PUM1: variants seen among roughly 807,000 people sequenced by gnomAD.
The protein encoded by PUM1 is pumilio homolog 1.
A neutral mutation model predicts 131.8 loss-of-function variants in PUM1; 13 were observed. The ratio of observed to expected loss-of-function variants is 0.10; its 90% confidence interval spans 0.06 to 0.16. The LOEUF (loss-of-function observed/expected upper bound fraction) is 0.16, where lower values mean the gene tolerates loss of function less well. Among genes scored for constraint, PUM1 ranks in the 10% least tolerant of loss-of-function variants. The probability of loss-of-function intolerance (pLI) is 1.00; values close to 1 mark genes in which losing one functional copy is unlikely to be tolerated. For synonymous variants in PUM1, 509 were observed against 556.5 expected, an observed-to-expected ratio of 0.91 and a Z score of 1.20; for missense variants, 961 against 1,512.4, an observed-to-expected ratio of 0.64 and a Z score of 6.05.
chr1:30,980,048 G>A lies in PUM1; in HGVS notation c.1354+14C>T. 1 of 1,556,482 alleles carries A rather than the reference G, an allele frequency of 6.4e-7. No individual in the cohort carries two copies. The highest frequency in any genetic ancestry group is 1.2e-5 in the South Asian group (1 of 86,816). On this transcript the variant is annotated intron_variant, in intron 9 of 21. Transcript: ENST00000426105. ...AGCAGGTGAGAAAATCCCTCATGCA[G>A]CAGAATGTCTCACCTAGTGTCGCTG...
intron 3 of PUM1, among the ~76,000 whole-genome samples, chr1:31,020,059 C>A (rs1642965407): frequency 6.6e-6 from 1 of 152,084 alleles, no homozygotes; most frequent in South Asian, 2.1e-4. Context: ...CCCTTGCCTC[C>A]CTCCTTCCCT....
intron 5 of PUM1, among the ~76,000 whole-genome samples, chr1:30,999,048 T>G (rs999343483): frequency 6.6e-6 from 1 of 152,222 alleles, no homozygotes; most frequent in African/African-American, 2.4e-5. Flanking sequence ...TCACCCTGAC[T>G]AGAATGCAGT....
intron 19 of PUM1, 108 bp from the exon 20 acceptor site, chr1:30,941,380 G>A: frequency 1.2e-5 from 14 of 1,173,300 alleles, no homozygotes; most frequent in Non-Finnish European, 1.5e-5. Flanking sequence ...CCACCATAAC[G>A]GTTTATATGA....
At chr1:30,977,039 T>C (rs1641162578) in intron 9 of PUM1, among the ~76,000 whole-genome samples, 1 of 152,186 alleles carries the variant, frequency 6.6e-6, no homozygotes, top group South Asian at 2.1e-4. Context: ...TGTTACCGAT[T>C]TCAGATTGTA....
At chr1:31,053,716 TCCACCCTCC>T (rs1644167163) in intron 2 of PUM1, among the ~76,000 whole-genome samples, 1 of 148,348 alleles carries the variant, frequency 6.7e-6, no homozygotes, top group African/African-American at 2.5e-5. Context: ...GCTCAAACTA[TCCACCCTCC>T]TCAGCCTCCC....
rs369671754 is a variant in PUM1 at position 30,995,233 on chromosome 1, T to C, written c.721-13A>G. 11 of 1,613,628 alleles carry C rather than the reference T, an allele frequency of 6.8e-6. No homozygotes were observed. Among genetic ancestry groups the C allele is most frequent in the Admixed American group, 5.0e-5 (3 of 59,948 alleles). On this transcript the variant is annotated splice_polypyrimidine_tract_variant and intron_variant, in intron 5 of 21. Coordinates refer to ENST00000426105, the MANE Select transcript of PUM1 (RefSeq NM_001020658.2). Reference sequence around the variant, plus strand: ...CATCCCTTGGGCCCTGTTTAAAAAATAGCTTCAGCTTCACTAATCGTCATC... The same window carrying C: ...CATCCCTTGGGCCCTGTTTAAAAAACAGCTTCAGCTTCACTAATCGTCATC...
In PUM1 at chr1:30,969,845, T is replaced by C. The variant is rs1640800991; in HGVS notation, c.1507-1353A>G. On this transcript the variant is annotated intron_variant, in intron 10 of 21. Transcript: ENST00000426105. ...ACCTGGCTAATTTTTCTATTTTTTG[T>C]AGAGACAGGGTCTCACCATGTTGTT... Among the ~76,000 whole-genome samples, 3 of 152,144 alleles carry C rather than the reference T, an allele frequency of 2.0e-5. No individual in the cohort carries two copies. In the South Asian group the frequency reaches 6.2e-4, roughly 32 times the overall value.
intron 7 of PUM1, among the ~76,000 whole-genome samples, chr1:30,985,917 G>C (rs937344847): frequency 2.0e-5 from 3 of 152,074 alleles, no homozygotes; most frequent in African/African-American, 7.2e-5. Flanking sequence ...TATCTGCATA[G>C]CTTGTACTAG....
intron 14 of PUM1, 111 bp from the exon 15 acceptor site, chr1:30,954,092 G>T: frequency 8.5e-7 from 1 of 1,182,360 alleles, no homozygotes; most frequent in Non-Finnish European, 1.2e-6. Context: ...TTTCTTCAAT[G>T]CTGTTGTTTT....
At chr1:30,935,496 G>C (rs936192557) in intron 21 of PUM1, among the ~76,000 whole-genome samples, 1 of 152,182 alleles carries the variant, frequency 6.6e-6, no homozygotes, top group Admixed American at 6.5e-5. Context: ...CAGGTGTTTA[G>C]CACTGAATGA....
At chr1:30,977,562 T>C (rs1641188029) in intron 9 of PUM1, among the ~76,000 whole-genome samples, 1 of 152,338 alleles carries the variant, frequency 6.6e-6, no homozygotes, top group East Asian at 1.9e-4. Flanking sequence ...TCAACTGAGC[T>C]TGGCACATCA....
Position 30,966,272 on chromosome 1 carries a change from G to A in PUM1, c.1796C>T (p.Ala599Val), listed in dbSNP as rs1640614756. 1 of 1,594,220 alleles carries A rather than the reference G, an allele frequency of 6.3e-7. No homozygotes were observed. The highest frequency in any genetic ancestry group is 1.3e-5 in the African/African-American group (1 of 74,508). ...TCCATTTGCTGAAGCTGCGGCTGCT[G>A]CAACAGCTATGAAGAAGAAAGCAAA... The part of the protein sequence containing the change: ...ISSSAAQAAV[A>V]AAAASANGAA... Residue 599 changes from alanine to valine, a missense_variant, in exon 13 of 22, where the codon GCA (alanine) becomes GTA (valine). This residue lies in a region of PUM1 where 654 missense variants were observed against 923.9 expected (regional missense o/e 0.71). Coordinates refer to ENST00000426105, the MANE Select transcript of PUM1 (RefSeq NM_001020658.2).
At chr1:30,949,270 G>A in intron 17 of PUM1, 2 of 350,946 alleles carry the variant, frequency 5.7e-6, no homozygotes, top group Admixed American at 3.8e-5. Context: ...TGCAGGCTCA[G>A]ATGAGAAGCA....
intron 2 of PUM1, among the ~76,000 whole-genome samples, chr1:31,051,816 G>A (rs1442212194): frequency 2.6e-5 from 4 of 151,904 alleles, no homozygotes; most frequent in East Asian, 1.9e-4. Context: ...TCAACCAATC[G>A]ACTTTAATTT....
chr1:30,997,578 T>C (rs140639421), intron 5 of PUM1, among the ~76,000 whole-genome samples: 15 of 151,134 alleles, frequency 9.9e-5, no homozygotes, highest in African/African-American at 2.9e-4. Flanking sequence ...AGACAGCTGG[T>C]TGCAGGGGAT....
At chr1:30,968,223 T>C (rs112422525) in intron 11 of PUM1, 131 bp downstream of exon 11, 33 of 1,229,706 alleles carry the variant, frequency 2.7e-5, no homozygotes, top group Non-Finnish European at 3.7e-5. Flanking sequence ...CAAGTGTGTA[T>C]CATCCTTGCC....
rs756418523 is a variant in PUM1, at chr1:30,974,770, C to G, written c.1387G>C (p.Val463Leu). ...PAVVPHQYYG[V>L]TPWGVYPASL... is the part of the protein sequence containing the mutation. Reference sequence around the variant, plus strand: ...GCAGGGTAGACTCCCCAGGGAGTAACTCCATAATACTGGTGAGGGACCACA... The same window carrying G: ...GCAGGGTAGACTCCCCAGGGAGTAAGTCCATAATACTGGTGAGGGACCACA... The change falls in exon 10 of 22, where the codon GTT (valine) becomes CTT (leucine). Residue 463 changes from valine to leucine, a missense_variant. Around this residue, in one of 4 missense-constraint regions of PUM1, gnomAD observed 654 missense variants for 923.9 expected, o/e 0.71. Coordinates refer to ENST00000426105, the MANE Select transcript of PUM1 (RefSeq NM_001020658.2). The G allele has an allele frequency of 2.5e-6, 4 of 1,612,574 alleles. No individual in the cohort carries two copies. In the African/African-American group the frequency reaches 4.0e-5, roughly 16 times the overall value.
At chr1:30,969,813 C>T (rs1480635869) in intron 10 of PUM1, among the ~76,000 whole-genome samples, 2 of 152,072 alleles carry the variant, frequency 1.3e-5, no homozygotes, top group African/African-American at 4.8e-5. Context: ...CAGGTATGCA[C>T]CACCACACCT....
chr1:30,938,834 C>T (rs1188259369), intron 20 of PUM1, among the ~76,000 whole-genome samples: 2 of 152,100 alleles, frequency 1.3e-5, no homozygotes, highest in African/African-American at 4.8e-5. Flanking sequence ...CACCGTACTC[C>T]AGCCTGGGCG....
Sources: gnomAD v4.1 joint callset for allele counts (sites outside exome capture counted in the v4.1 genomes callset) on GRCh38, gnomAD v4.1.1 for gene constraint, gnomAD v4.1.1 regional missense constraint, MANE v1.5 for transcripts, NCBI Gene and HGNC (gene_info 2026-07-23, HGNC 2026-07-21) for gene names.